Variants in CACNA2D3 observed in about 807,000 individuals in gnomAD.
CACNA2D3 encodes the protein calcium voltage-gated channel auxiliary subunit alpha2delta 3, also known as voltage-dependent calcium channel subunit alpha-2/delta-3.
CACNA2D3 carries 60 observed loss-of-function variants against 160.6 expected under a neutral mutation model. That is an observed-to-expected ratio of 0.37 (90% CI 0.30 to 0.46). CACNA2D3 has a LOEUF of 0.46. Ranked by LOEUF, CACNA2D3 falls within the 20% of genes least tolerant of loss-of-function variation. The pLI, the probability that CACNA2D3 is intolerant of heterozygous loss-of-function variation, is 1.00. For missense variants in CACNA2D3, 1,205 were observed against 1,365.0 expected (o/e 0.88, Z 1.85); for synonymous variants, 558 against 492.9 (o/e 1.13, Z -1.75).
intron 4 of CACNA2D3, among the ~76,000 whole-genome samples, chr3:54,405,843 A>G (rs980424097): frequency 2.2e-5 from 2 of 89,860 alleles, no homozygotes; most frequent in African/African-American, 7.4e-5. Flanking sequence ...GAACTCATAC[A>G]ACTCAATAGC....
intron 11 of CACNA2D3, among the ~76,000 whole-genome samples, chr3:54,752,117 A>G (rs568861180): frequency 6.6e-6 from 1 of 152,298 alleles, no homozygotes; most frequent in African/African-American, 2.4e-5. Context: ...TTATCTTCTA[A>G]TATCATGCCA....
At chr3:54,284,309 T>TAAAAAAAAA (rs1702956583) in intron 2 of CACNA2D3, among the ~76,000 whole-genome samples, 2 of 151,294 alleles carry the variant, frequency 1.3e-5, no homozygotes, top group Non-Finnish European at 2.9e-5. Flanking sequence ...TTAAAAAAAT[T>TAAAAAAAAA]AAATAAAATG....
At chr3:54,456,433 A>T (rs903997352) in intron 4 of CACNA2D3, among the ~76,000 whole-genome samples, 4 of 151,916 alleles carry the variant, frequency 2.6e-5, no homozygotes, top group Admixed American at 1.3e-4. Flanking sequence ...AACTTTACCG[A>T]AATTGTTTGT....
intron 2 of CACNA2D3, among the ~76,000 whole-genome samples, chr3:54,131,798 C>T (rs2107253957): frequency 6.6e-6 from 1 of 151,938 alleles, no homozygotes; most frequent in Admixed American, 6.5e-5. Context: ...CTAATCTTGT[C>T]CTTTGCACAG....
intron 17 of CACNA2D3, among the ~76,000 whole-genome samples, chr3:54,866,092 G>A (rs1233771992): frequency 6.6e-6 from 1 of 151,896 alleles, no homozygotes; most frequent in Non-Finnish European, 1.5e-5. Context: ...AGAACATGAG[G>A]GTGGGAGCTC....
intron 31 of CACNA2D3, among the ~76,000 whole-genome samples, chr3:54,989,515 G>C (rs547222403): frequency 6.6e-6 from 1 of 152,184 alleles, no homozygotes; most frequent in Non-Finnish European, 1.5e-5. Context: ...GTAGAGCATT[G>C]AGAGTTTGAT....
At chr3:54,321,303 G>T (rs1703986212) in intron 3 of CACNA2D3, among the ~76,000 whole-genome samples, 2 of 147,090 alleles carry the variant, frequency 1.4e-5, no homozygotes, top group African/African-American at 2.5e-5. Flanking sequence ...CTGGGTGACA[G>T]CGTGAGACTC....
chr3:54,329,087 G>T (rs1035440548), intron 3 of CACNA2D3, among the ~76,000 whole-genome samples: 4 of 152,120 alleles, frequency 2.6e-5, no homozygotes, highest in Non-Finnish European at 5.9e-5. Context: ...TGACCACCAG[G>T]GTCACTTTGA....
intron 9 of CACNA2D3, among the ~76,000 whole-genome samples, chr3:54,601,660 C>T (rs1215258718): frequency 2.6e-4 from 40 of 151,972 alleles, no homozygotes; most frequent in Admixed American, 2.6e-3. Flanking sequence ...CTATTGGGAT[C>T]TAACACAACC....
chr3:54,301,461 C>T (rs1375316281), intron 2 of CACNA2D3, among the ~76,000 whole-genome samples: 1 of 151,390 alleles, frequency 6.6e-6, no homozygotes, highest in African/African-American at 2.4e-5. Flanking sequence ...GAGACCCTGT[C>T]TCAAAAAAAA....
At chr3:54,985,097 G>A (rs994802608) in intron 30 of CACNA2D3, among the ~76,000 whole-genome samples, 4 of 152,118 alleles carry the variant, frequency 2.6e-5, no homozygotes, top group Non-Finnish European at 5.9e-5. Flanking sequence ...CATAATTATT[G>A]TTTATGGCTT....
At chr3:54,262,760 A>T (rs1702426848) in intron 2 of CACNA2D3, among the ~76,000 whole-genome samples, 1 of 152,146 alleles carries the variant, frequency 6.6e-6, no homozygotes, top group Non-Finnish European at 1.5e-5. Context: ...AGAAGCCATT[A>T]CTCAAGTAAT....
intron 2 of CACNA2D3, among the ~76,000 whole-genome samples, chr3:54,280,030 G>T (rs1256790245): frequency 6.6e-6 from 1 of 152,032 alleles, no homozygotes; most frequent in Non-Finnish European, 1.5e-5. Flanking sequence ...CTAAGCATAA[G>T]TGAAACCAAC....
chr3:54,252,005 C>CT (rs533552498), intron 2 of CACNA2D3, among the ~76,000 whole-genome samples: 15 of 149,118 alleles, frequency 1.0e-4, no homozygotes, highest in South Asian at 2.1e-4. Flanking sequence ...ATGCAGTAAT[C>CT]TTTTTTTTAG....
intron 35 of CACNA2D3, 38 bp downstream of exon 35, chr3:55,018,355 T>G (rs762974129): frequency 1.6e-6 from 2 of 1,288,984 alleles, no homozygotes; most frequent in Non-Finnish European, 2.2e-6. Flanking sequence ...CCTACACCTT[T>G]CTGCTCAGCA....
intron 4 of CACNA2D3, among the ~76,000 whole-genome samples, chr3:54,460,954 G>C (rs182066977): frequency 1.3e-5 from 2 of 151,956 alleles, no homozygotes; most frequent in Non-Finnish European, 2.9e-5. Context: ...CGTCCCATCA[G>C]TACCTAATTT....
At chr3:54,348,937 A>T (rs1434889840) in intron 3 of CACNA2D3, among the ~76,000 whole-genome samples, 3 of 152,156 alleles carry the variant, frequency 2.0e-5, no homozygotes, top group African/African-American at 7.2e-5. Flanking sequence ...TATGTTGGCC[A>T]GGCTGGTCTT....
intron 11 of CACNA2D3, among the ~76,000 whole-genome samples, chr3:54,744,628 GAA>G (rs758401031): frequency 5.3e-5 from 8 of 152,206 alleles, no homozygotes; most frequent in Non-Finnish European, 8.8e-5. Flanking sequence ...CCACCCCTGT[GAA>G]AAATCCCATT....
intron 2 of CACNA2D3, among the ~76,000 whole-genome samples, chr3:54,148,528 G>A (rs558805705): frequency 1.3e-5 from 2 of 152,312 alleles, no homozygotes; most frequent in East Asian, 1.9e-4. Flanking sequence ...GTCAGAGTCA[G>A]TGTGGCCTGA....
Sources: gnomAD v4.1 joint callset for allele counts (sites outside exome capture counted in the v4.1 genomes callset) on GRCh38, gnomAD v4.1.1 for gene constraint, MANE v1.5 for transcripts, NCBI Gene and HGNC (gene_info 2026-07-23, HGNC 2026-07-21) for gene names.